IL1RAPL1: variants seen among roughly 807,000 people sequenced by gnomAD.
IL1RAPL1 encodes the protein interleukin-1 receptor accessory protein-like 1.
Under a neutral mutation model 48.4 loss-of-function variants are expected in IL1RAPL1, and 3 were observed. The ratio of observed to expected loss-of-function variants is 0.06; its 90% CI spans 0.03 to 0.16. The LOEUF is 0.16. Ranked by LOEUF, IL1RAPL1 falls within the 10% of genes least tolerant of loss-of-function variation. The probability of loss-of-function intolerance (pLI) is 1.00; values close to 1 mark genes in which losing one functional copy is unlikely to be tolerated. For synonymous variants in IL1RAPL1, 185 were observed against 187.7 expected, an observed-to-expected ratio of 0.99 and a Z score of 0.12; for missense variants, 349 against 530.6, an observed-to-expected ratio of 0.66 and a Z score of 3.36.
chrX:29,488,451 CA>C (rs767463482), intron 5 of IL1RAPL1, among the ~76,000 whole-genome samples: 1 of 111,428 alleles, frequency 9.0e-6, no homozygotes, highest in Non-Finnish European at 1.9e-5. Flanking sequence ...ACAACAACAA[CA>C]AAAAAACAGA....
At chrX:29,918,594 G>A (rs964593517) in intron 7 of IL1RAPL1, among the ~76,000 whole-genome samples, 4 of 110,133 alleles carry the variant, frequency 3.6e-5, no homozygotes, top group Admixed American at 9.7e-5. Flanking sequence ...TTCCTGCTAC[G>A]TATTTTTACA....
intron 2 of IL1RAPL1, among the ~76,000 whole-genome samples, chrX:29,099,086 A>G (rs922189030): frequency 2.7e-5 from 3 of 111,844 alleles, no homozygotes; most frequent in African/African-American, 9.8e-5. Context: ...CGGGAGGCAG[A>G]GGTTGCAGTG....
At chrX:29,845,228 A>G (rs760567098) in intron 6 of IL1RAPL1, among the ~76,000 whole-genome samples, 6 of 111,795 alleles carry the variant, frequency 5.4e-5, no homozygotes, top group Non-Finnish European at 1.1e-4. Flanking sequence ...CAAGCCATAC[A>G]GATACTGAAA....
chrX:29,561,739 C>T (rs1054451381), intron 5 of IL1RAPL1, among the ~76,000 whole-genome samples: 3 of 111,278 alleles, frequency 2.7e-5, no homozygotes, highest in South Asian at 3.8e-4. Flanking sequence ...TCCCATGGTG[C>T]GTTGGGACCT....
intron 5 of IL1RAPL1, among the ~76,000 whole-genome samples, chrX:29,487,084 A>G (rs1445311838): frequency 9.0e-6 from 1 of 111,182 alleles, no homozygotes; most frequent in Non-Finnish European, 1.9e-5. Flanking sequence ...TAGGCCTGTT[A>G]TTTTGCAGAT....
chrX:29,818,579 A>G (rs1316262304), intron 6 of IL1RAPL1, among the ~76,000 whole-genome samples: 2 of 112,144 alleles, frequency 1.8e-5, no homozygotes, highest in African/African-American at 6.5e-5. Flanking sequence ...GAAGCACGAT[A>G]TCTTTCTTGA....
chrX:28,741,577 GACAA>G (rs1327030332), intron 1 of IL1RAPL1, among the ~76,000 whole-genome samples: 2 of 111,594 alleles, frequency 1.8e-5, no homozygotes, highest in Non-Finnish European at 3.8e-5. Context: ...ATTTTAGATG[GACAA>G]ACAGACTATA....
chrX:29,210,706 T>C (rs1250556675), intron 2 of IL1RAPL1, among the ~76,000 whole-genome samples: 2 of 111,712 alleles, frequency 1.8e-5, no homozygotes, highest in Non-Finnish European at 3.8e-5. Flanking sequence ...TGATAAAATG[T>C]CATTCCAGGT....
chrX:29,017,084 A>C (rs762636228), intron 2 of IL1RAPL1, among the ~76,000 whole-genome samples: 1 of 112,390 alleles, frequency 8.9e-6, no homozygotes, highest in East Asian at 2.8e-4. Flanking sequence ...TCAGAAAAGT[A>C]TGACTTCTGT....
At chrX:28,759,613 C>T (rs778656678) in intron 1 of IL1RAPL1, among the ~76,000 whole-genome samples, 4 of 111,737 alleles carry the variant, frequency 3.6e-5, no homozygotes, top group East Asian at 5.6e-4. Flanking sequence ...TGCCTTTTTT[C>T]GTACCAACTG....
intron 2 of IL1RAPL1, among the ~76,000 whole-genome samples, chrX:28,972,916 C>G (rs1378387490): frequency 9.0e-6 from 1 of 111,233 alleles, no homozygotes; most frequent in Non-Finnish European, 1.9e-5. Flanking sequence ...GCTTTACCCA[C>G]CCGCCATGAT....
chrX:29,756,564 C>A (rs1928622221), intron 6 of IL1RAPL1, among the ~76,000 whole-genome samples: 1 of 109,953 alleles, frequency 9.1e-6, no homozygotes, highest in South Asian at 4.0e-4. Context: ...AGGCGCCCAC[C>A]ACCATGCCAG....
At chrX:29,173,824 G>A (rs1216538693) in intron 2 of IL1RAPL1, among the ~76,000 whole-genome samples, 1 of 111,802 alleles carries the variant, frequency 8.9e-6, no homozygotes, top group Non-Finnish European at 1.9e-5. Context: ...GCCAAAAGAT[G>A]ACTCAAAAAT....
intron 5 of IL1RAPL1, among the ~76,000 whole-genome samples, chrX:29,505,380 G>T (rs1269542640): frequency 2.7e-5 from 3 of 110,453 alleles, no homozygotes; most frequent in African/African-American, 9.9e-5. Flanking sequence ...TTGCATGTTA[G>T]TTTTTTTTCA....
intron 6 of IL1RAPL1, among the ~76,000 whole-genome samples, chrX:29,914,973 C>T (rs750030362): frequency 8.9e-6 from 1 of 112,321 alleles, no homozygotes; most frequent in East Asian, 2.8e-4. Context: ...TCTGGACTTG[C>T]CTTATCTGGT....
intron 2 of IL1RAPL1, among the ~76,000 whole-genome samples, chrX:29,086,757 T>C (rs1471517837): frequency 8.9e-6 from 1 of 111,793 alleles, no homozygotes. Flanking sequence ...CATGTGAGGA[T>C]TACTTAAATA....
chrX:29,784,422 T>A (rs5928362), intron 6 of IL1RAPL1, among the ~76,000 whole-genome samples: 41,931 of 110,346 alleles, frequency 0.38, 7,264 homozygotes, highest in Non-Finnish European at 0.54. Flanking sequence ...CATAGTATGA[T>A]GCATTCTGAA....
chrX:29,405,372 A>T (rs868695850), intron 5 of IL1RAPL1, among the ~76,000 whole-genome samples: 6,077 of 92,580 alleles, frequency 0.066, 759 homozygotes, highest in African/African-American at 0.24. Context: ...TTATTTATTT[A>T]TTTATTTTTT....
intron 5 of IL1RAPL1, among the ~76,000 whole-genome samples, chrX:29,412,827 C>T (rs1422411328): frequency 2.7e-5 from 3 of 112,081 alleles, no homozygotes; most frequent in African/African-American, 9.7e-5. Context: ...AGTGTTGAGA[C>T]TGTGAATAGT....
Sources: allele counts gnomAD v4.1 joint callset (sites outside exome capture counted in the v4.1 genomes callset), GRCh38; gene constraint gnomAD v4.1.1; transcripts MANE v1.5; gene names NCBI Gene and HGNC (gene_info 2026-07-23, HGNC 2026-07-21).